The following CC2D2A variants were observed in gnomAD, a reference collection of about 807,000 sequenced individuals.
The protein encoded by CC2D2A is coiled-coil and C2 domain-containing protein 2A.
CC2D2A carries 155 observed loss-of-function variants against 212.9 expected under a neutral mutation model. The observed-to-expected ratio is 0.73, with a 90% CI of 0.64 to 0.83. CC2D2A has a LOEUF of 0.83. Among genes scored for constraint, CC2D2A ranks in the 40% least tolerant of loss-of-function variants. CC2D2A has a pLI of 0.00. For synonymous variants in CC2D2A, 667 were observed against 686.5 expected (o/e 0.97, Z 0.44); for missense variants, 1,856 against 1,956.2 (o/e 0.95, Z 0.97).
At chr4:15,500,651 A>T (rs532734499) in intron 4 of CC2D2A, among the ~76,000 whole-genome samples, 42 of 152,146 alleles carry the variant, frequency 2.8e-4, no homozygotes, top group Non-Finnish European at 5.1e-4. Flanking sequence ...GGCACAACCC[A>T]AGAAACGGAG....
intron 20 of CC2D2A, 28 bp from the exon 21 acceptor site, chr4:15,557,275 TG>T (rs759000183): frequency 1.3e-6 from 2 of 1,532,376 alleles, no homozygotes; most frequent in Admixed American, 1.8e-5. Context: ...GACTGTCATC[TG>T]GAGTTTTGCA....
rs899502760 is a variant in CC2D2A, at chr4:15,585,079, A to C, written c.3976-1078A>C. Among the ~76,000 whole-genome samples, 49 of 152,234 alleles carry C rather than the reference A, an allele frequency of 3.2e-4. 1 individual carries two copies. The highest frequency in any genetic ancestry group is 3.1e-3 in the Admixed American group (48 of 15,290). On this transcript the variant is annotated intron_variant, in intron 30 of 36. Coordinates refer to ENST00000424120, the MANE Select transcript of CC2D2A (RefSeq NM_001378615.1). ...ATTAATACAGCCAATATTGAAAAAC[A>C]GTATAGAGGGTCCTCACAAATTAAA...
At chr4:15,482,882 C>T (rs1422754979) in intron 4 of CC2D2A, among the ~76,000 whole-genome samples, 2 of 152,100 alleles carry the variant, frequency 1.3e-5, no homozygotes, top group Non-Finnish European at 2.9e-5. Context: ...TGCATTAGTC[C>T]CTTCCCCCAC....
At chr4:15,519,702 A>G (rs981949330) in intron 11 of CC2D2A, 34 of 428,298 alleles carry the variant, frequency 7.9e-5, no homozygotes, top group Admixed American at 6.7e-4. Context: ...AGCAGGCAAA[A>G]AGAGAGCTTG....
At chr4:15,582,031 T>C (rs1720683873) in intron 30 of CC2D2A, among the ~76,000 whole-genome samples, 1 of 152,156 alleles carries the variant, frequency 6.6e-6, no homozygotes, top group African/African-American at 2.4e-5. Context: ...AGGAGAATTA[T>C]TGGATGTAAA....
At chr4:15,595,498 AT>A (rs1406558997) in intron 33 of CC2D2A, among the ~76,000 whole-genome samples, 1 of 152,224 alleles carries the variant, frequency 6.6e-6, no homozygotes, top group Non-Finnish European at 1.5e-5. Flanking sequence ...AACTCACTGA[AT>A]CAACTCAACC....
intron 31 of CC2D2A, 64 bp from the exon 32 acceptor site, chr4:15,587,752 C>A: frequency 1.1e-6 from 1 of 873,692 alleles, no homozygotes; most frequent in African/African-American, 1.7e-5. Flanking sequence ...TATTAGAATC[C>A]TGCACAACCA....
chr4:15,583,521 G>T (rs545144495), intron 30 of CC2D2A, among the ~76,000 whole-genome samples: 1 of 152,224 alleles, frequency 6.6e-6, no homozygotes, highest in South Asian at 2.1e-4. Context: ...CGAAAATTTA[G>T]TAGTGTTTCT....
rs142926881 is a variant in CC2D2A at position 15,523,114 on chromosome 4, C to CA, written c.1150-4318dup. On this transcript the variant is annotated intron_variant, in intron 11 of 36. Transcript: ENST00000424120. ...GGGTGACAAGAGCAAAACTCCATCT[C>CA]AAAAAAAAAAAAAAAGTTGTTGAAA... Among the ~76,000 whole-genome samples the CA allele has an allele frequency of 1.0e-2, 1,317 of 132,304 alleles. 14 individuals are homozygous for CA. The highest frequency in any genetic ancestry group is 0.03 in the African/African-American group (1,113 of 36,610). The allele number at this position is 132,304 out of a possible 152,430, so 86.8% of individuals were successfully genotyped here.
chr4:15,596,210 A>G lies in CC2D2A; in HGVS notation c.4437+3A>G. ...ATCCTGGCCTTTCCAGTGTTCAGGTATAAATCTTTTATTAACAGTTAAATG... is the reference window on the plus strand; with the variant it reads ...ATCCTGGCCTTTCCAGTGTTCAGGTGTAAATCTTTTATTAACAGTTAAATG... On this transcript the variant is annotated splice_donor_region_variant and intron_variant, in intron 34 of 36. Coordinates refer to ENST00000424120, the MANE Select transcript of CC2D2A (RefSeq NM_001378615.1). 2 of 1,510,988 alleles carry G rather than the reference A, an allele frequency of 1.3e-6. No individual in the cohort carries two copies. Among genetic ancestry groups the G allele is most frequent in the Non-Finnish European group, 1.8e-6 (2 of 1,130,602 alleles). 93.6% of individuals were successfully genotyped at this position (1,510,988 alleles called of 1,614,324 possible). A position where few individuals can be genotyped will look rare whatever the true frequency, so the allele number is the denominator to read the frequency against.
intron 1 of CC2D2A, among the ~76,000 whole-genome samples, chr4:15,473,487 G>A (rs1713971050): frequency 6.6e-6 from 1 of 152,188 alleles, no homozygotes; most frequent in Non-Finnish European, 1.5e-5. Flanking sequence ...CAAAGGTCCT[G>A]AGGCAACAGG....
Position 15,480,599 on chromosome 4 carries a change from A to G in CC2D2A, c.124-105A>G, listed in dbSNP as rs142598274. On this transcript the variant is annotated intron_variant, in intron 3 of 36. Coordinates refer to ENST00000424120, the MANE Select transcript of CC2D2A (RefSeq NM_001378615.1). Reference sequence around the variant, plus strand: ...AGAGACTGTGGTTATCCAGATGTGAATAGTACTAAGGCCTGTCCCCTCACT... The same window carrying G: ...AGAGACTGTGGTTATCCAGATGTGAGTAGTACTAAGGCCTGTCCCCTCACT... 1.0e-5 allele frequency: 13 copies of G among 1,273,716 alleles called. No homozygotes were observed. In the African/African-American group the frequency reaches 1.5e-4, roughly 15 times the overall value. 78.9% of individuals were successfully genotyped at this position (1,273,716 alleles called of 1,614,324 possible).
intron 5 of CC2D2A, 36 bp downstream of exon 5, chr4:15,502,553 G>A (rs779898482): frequency 1.3e-6 from 2 of 1,526,878 alleles, no homozygotes; most frequent in Non-Finnish European, 1.8e-6. Flanking sequence ...GTTCAGTGCT[G>A]ATTGCAATCT....
intron 17 of CC2D2A, among the ~76,000 whole-genome samples, chr4:15,550,356 G>A (rs896439509): frequency 6.6e-6 from 1 of 152,198 alleles, no homozygotes; most frequent in Non-Finnish European, 1.5e-5. Flanking sequence ...TACTAAAAAT[G>A]TAACACTCTG....
rs148784092 is a variant in CC2D2A, at chr4:15,588,489, A to G, written c.4179+560A>G. On this transcript the variant is annotated intron_variant, in intron 32 of 36. Transcript: ENST00000424120. Reference sequence around the variant, plus strand: ...AGAATTTTTCCCTAGCCCACTACAAATATCCCTACATTTGTGATGCAAATA... The same window carrying G: ...AGAATTTTTCCCTAGCCCACTACAAGTATCCCTACATTTGTGATGCAAATA... Among the ~76,000 whole-genome samples the G allele has an allele frequency of 3.0e-3, 455 of 152,278 alleles. 2 individuals carry two copies. The highest frequency in any genetic ancestry group is 0.01 in the African/African-American group (429 of 41,554).
chr4:15,576,323 A>G, intron 29 of CC2D2A: 2 of 951,082 alleles, frequency 2.1e-6, no homozygotes, highest in Non-Finnish European at 2.5e-6. Flanking sequence ...TCCTAAAATT[A>G]TAGGGTCAAC....
chr4:15,553,605 G>A (rs1292612457), intron 19 of CC2D2A, among the ~76,000 whole-genome samples: 1 of 152,152 alleles, frequency 6.6e-6, no homozygotes, highest in Non-Finnish European at 1.5e-5. Flanking sequence ...TACAGATGGG[G>A]GAGATGCACA....
At position 15,596,096 on chromosome 4, in the gene CC2D2A, T is replaced by C. The variant is rs780298185; in HGVS notation, c.4326T>C (p.Asn1442=). 27 of 1,547,222 alleles carry C rather than the reference T, an allele frequency of 1.7e-5. No individual in the cohort carries two copies. The highest frequency in any genetic ancestry group is 1.7e-4 in the Middle Eastern group (1 of 5,966). The change falls in exon 34 of 37, where the codon AAT becomes AAC. Residue 1442 remains asparagine (N), a synonymous_variant. Transcript: ENST00000424120. Reference sequence around the variant, plus strand: ...CTTGTCTTTCTTAGATTTGGTTTAATATTCAACGATATGAATCTCCACTAA... The same window carrying C: ...CTTGTCTTTCTTAGATTTGGTTTAACATTCAACGATATGAATCTCCACTAA... ...CLIGPDNIWF[N]IQRYESPLRI...
At chr4:15,522,343 C>T (rs537679509) in intron 11 of CC2D2A, among the ~76,000 whole-genome samples, 3 of 152,264 alleles carry the variant, frequency 2.0e-5, no homozygotes, top group South Asian at 2.1e-4. Flanking sequence ...TAACTTCACC[C>T]GGCAGGATCG....
Sources: gnomAD v4.1 joint callset for allele counts (sites outside exome capture counted in the v4.1 genomes callset) on GRCh38, gnomAD v4.1.1 for gene constraint, MANE v1.5 for transcripts, NCBI Gene and HGNC (gene_info 2026-07-23, HGNC 2026-07-21) for gene names.